TEAD1: variants seen among roughly 807,000 people sequenced by gnomAD.
TEAD1 encodes the protein transcriptional enhancer factor TEF-1.
A neutral mutation model predicts 54.9 loss-of-function variants in TEAD1; 9 were observed. The ratio of observed to expected loss-of-function variants is 0.16; its 90% confidence interval spans 0.10 to 0.29. TEAD1 has a LOEUF of 0.29. Among genes scored for constraint, TEAD1 ranks in the 10% least tolerant of loss-of-function variants. The pLI, the probability that TEAD1 is intolerant of heterozygous loss-of-function variation, is 1.00. For synonymous variants in TEAD1, 200 were observed against 187.8 expected (o/e 1.07, Z -0.53); for missense variants, 387 against 535.9 (o/e 0.72, Z 2.74).
At chr11:12,680,485 GC>G (rs780859454) in intron 2 of TEAD1, among the ~76,000 whole-genome samples, 1 of 152,146 alleles carries the variant, frequency 6.6e-6, no homozygotes, top group Non-Finnish European at 1.5e-5. Context: ...ACTCCCCGAG[GC>G]CCGCCCGCCC....
intron 2 of TEAD1, among the ~76,000 whole-genome samples, chr11:12,685,367 C>T (rs1456067114): frequency 2.0e-5 from 3 of 152,114 alleles, no homozygotes; most frequent in Non-Finnish European, 4.4e-5. Context: ...TGGGAGTCTA[C>T]TAAAATTACT....
intron 3 of TEAD1, among the ~76,000 whole-genome samples, chr11:12,824,317 C>T (rs1029557386): frequency 3.3e-5 from 5 of 152,156 alleles, no homozygotes; most frequent in Non-Finnish European, 5.9e-5. Flanking sequence ...TAAGTGTGTA[C>T]GCAGTAGTTA....
chr11:12,901,013 T>C (rs1948417624), intron 9 of TEAD1, among the ~76,000 whole-genome samples: 1 of 152,192 alleles, frequency 6.6e-6, no homozygotes, highest in Admixed American at 6.5e-5. Flanking sequence ...CAAATTTGGC[T>C]GTGTATTGGA....
intron 3 of TEAD1, among the ~76,000 whole-genome samples, chr11:12,847,713 G>T (rs1041105862): frequency 1.3e-5 from 2 of 152,152 alleles, no homozygotes; most frequent in Non-Finnish European, 2.9e-5. Context: ...TTTAGAGACG[G>T]GTCTTGCTCT....
intron 3 of TEAD1, among the ~76,000 whole-genome samples, chr11:12,858,127 A>G (rs761538460): frequency 6.6e-5 from 10 of 152,114 alleles, no homozygotes; most frequent in Admixed American, 2.6e-4. Flanking sequence ...GGAAATAGAG[A>G]TAGGACTTAG....
chr11:12,763,443 G>A (rs148835666), intron 2 of TEAD1, among the ~76,000 whole-genome samples: 1 of 152,344 alleles, frequency 6.6e-6, no homozygotes, highest in African/African-American at 2.4e-5. Context: ...CAAGGTTACA[G>A]TCTAGGAGCT....
chr11:12,883,184 C>T, intron 9 of TEAD1, 59 bp downstream of exon 9: 4 of 1,606,328 alleles, frequency 2.5e-6, no homozygotes, highest in Non-Finnish European at 3.4e-6. Context: ...TTACTGTTTA[C>T]CTCCTTGCTT....
At chr11:12,889,093 A>G (rs1948147641) in intron 9 of TEAD1, among the ~76,000 whole-genome samples, 1 of 152,352 alleles carries the variant, frequency 6.6e-6, no homozygotes, top group East Asian at 1.9e-4. Flanking sequence ...CAGAGGGTGA[A>G]GAAAGGAAGG....
chr11:12,901,488 G>T (rs1328569542), intron 9 of TEAD1, among the ~76,000 whole-genome samples: 2 of 152,286 alleles, frequency 1.3e-5, no homozygotes, highest in East Asian at 3.9e-4. Flanking sequence ...GGGTACCATT[G>T]CTCAGACCAC....
chr11:12,751,302 AAG>A (rs1480651384), intron 2 of TEAD1, among the ~76,000 whole-genome samples: 173 of 150,676 alleles, frequency 1.1e-3, no homozygotes, highest in African/African-American at 4.1e-3. Flanking sequence ...AAAAAAAAAA[AAG>A]GAAAAATTAC....
intron 2 of TEAD1, among the ~76,000 whole-genome samples, chr11:12,751,009 C>G (rs1019252490): frequency 4.6e-5 from 7 of 152,094 alleles, no homozygotes; most frequent in Non-Finnish European, 7.4e-5. Flanking sequence ...TGCTGAATGC[C>G]AAACATAGAA....
intron 10 of TEAD1, among the ~76,000 whole-genome samples, chr11:12,908,469 T>C (rs1269285455): frequency 3.9e-5 from 6 of 152,208 alleles, no homozygotes; most frequent in Non-Finnish European, 7.3e-5. Flanking sequence ...TGGCCTGCCA[T>C]GCTTCCTGTC....
chr11:12,899,998 A>T (rs141405455), intron 9 of TEAD1, among the ~76,000 whole-genome samples: 186 of 152,360 alleles, frequency 1.2e-3, no homozygotes, highest in African/African-American at 4.4e-3. Flanking sequence ...GATATATTTC[A>T]TAGGGTTTTG....
chr11:12,750,605 CCTGGTGTTT>C (rs1944851376), intron 2 of TEAD1, among the ~76,000 whole-genome samples: 1 of 152,192 alleles, frequency 6.6e-6, no homozygotes, highest in Non-Finnish European at 1.5e-5. Flanking sequence ...CTCACACACT[CCTGGTGTTT>C]CTGGTGTTTT....
chr11:12,814,853 C>T (rs1360541551), intron 3 of TEAD1, among the ~76,000 whole-genome samples: 2 of 144,162 alleles, frequency 1.4e-5, no homozygotes, highest in African/African-American at 2.6e-5. Context: ...CCGTCCGTCC[C>T]GAGCTGTGTG....
chr11:12,864,433 T>G (rs1207997213), intron 4 of TEAD1, among the ~76,000 whole-genome samples: 2 of 152,112 alleles, frequency 1.3e-5, no homozygotes, highest in African/African-American at 2.4e-5. Context: ...AGTCTTAACT[T>G]TCATCCTGAA....
At position 12,862,756 on chromosome 11, in the gene TEAD1, A is replaced by G. The variant is rs578120704; in HGVS notation, c.267+442A>G. On this transcript the variant is annotated intron_variant, in intron 4 of 12. Transcript: ENST00000527636. ...AAAAGTAACGCCAGCAGCCTTGAGT[A>G]TTGGCCTGAATGTAATGCTAAATGA... is the stretch of plus-strand genomic sequence containing the variant. Among the ~76,000 whole-genome samples, 77 of 152,340 alleles carry G rather than the reference A, an allele frequency of 5.1e-4. 1 individual carries two copies. The Middle Eastern group carries it at 0.01, about 20-fold the overall frequency.
intron 2 of TEAD1, among the ~76,000 whole-genome samples, chr11:12,721,362 A>G (rs964695162): frequency 2.6e-5 from 4 of 152,162 alleles, no homozygotes; most frequent in Non-Finnish European, 5.9e-5. Context: ...TCATTTATGC[A>G]ACCACTGTGT....
At chr11:12,797,110 C>CA (rs1242549834) in intron 3 of TEAD1, among the ~76,000 whole-genome samples, 5 of 152,020 alleles carry the variant, frequency 3.3e-5, no homozygotes, top group Admixed American at 2.0e-4. Context: ...GACTCCATCT[C>CA]AAAACACAAA....
Sources: allele counts gnomAD v4.1 joint callset (sites outside exome capture counted in the v4.1 genomes callset), GRCh38; gene constraint gnomAD v4.1.1; transcripts MANE v1.5; gene names NCBI Gene and HGNC (gene_info 2026-07-23, HGNC 2026-07-21).